The following AGBL1 variants were observed in gnomAD, a reference collection of about 807,000 sequenced individuals.
AGBL1 encodes cytosolic carboxypeptidase 4.
A neutral mutation model predicts 118.9 loss-of-function variants in AGBL1; 130 were observed. The ratio of observed to expected loss-of-function variants is 1.09; its 90% confidence interval spans 0.95 to 1.26. AGBL1 has a LOEUF of 1.26. Ranked by LOEUF, AGBL1 falls within the 50% of genes most tolerant of loss-of-function variation. The pLI is 0.00. For missense variants in AGBL1, 1,584 were observed against 1,298.1 expected, an observed-to-expected ratio of 1.22 and a Z score of -3.38; for synonymous variants, 555 against 478.9, an observed-to-expected ratio of 1.16 and a Z score of -2.08.
intron 21 of AGBL1, among the ~76,000 whole-genome samples, chr15:86,633,346 T>C (rs1205576798): frequency 6.6e-6 from 1 of 152,168 alleles, no homozygotes; most frequent in Non-Finnish European, 1.5e-5. Context: ...ACCATGAATT[T>C]TTTTTATGTA....
At chr15:87,017,634 C>T (rs1171134547) in intron 24 of AGBL1, among the ~76,000 whole-genome samples, 1 of 152,106 alleles carries the variant, frequency 6.6e-6, no homozygotes, top group East Asian at 1.9e-4. Context: ...ACAAAAACTC[C>T]TTTCCAGGGT....
intron 22 of AGBL1, among the ~76,000 whole-genome samples, chr15:86,692,316 G>T (rs1246138107): frequency 6.6e-6 from 1 of 152,082 alleles, no homozygotes; most frequent in Non-Finnish European, 1.5e-5. Context: ...TTCAATGAAG[G>T]AACTCTTTAC....
intron 22 of AGBL1, among the ~76,000 whole-genome samples, chr15:86,763,882 T>G (rs2078060813): frequency 6.6e-6 from 1 of 152,098 alleles, no homozygotes; most frequent in African/African-American, 2.4e-5. Flanking sequence ...ATAGTTGAGC[T>G]TATTGTAAAG....
At chr15:86,252,247 C>G (rs766658050) in intron 7 of AGBL1, among the ~76,000 whole-genome samples, 1 of 152,214 alleles carries the variant, frequency 6.6e-6, no homozygotes, top group Non-Finnish European at 1.5e-5. Flanking sequence ...TAGGCCAAGC[C>G]TTGATTCATC....
At chr15:86,898,839 G>A (rs144915844) in intron 22 of AGBL1, among the ~76,000 whole-genome samples, 2 of 152,086 alleles carry the variant, frequency 1.3e-5, no homozygotes, top group Non-Finnish European at 2.9e-5. Context: ...ATGACAATGA[G>A]ATACCATCTC....
intron 17 of AGBL1, among the ~76,000 whole-genome samples, chr15:86,329,009 G>A (rs549212871): frequency 6.6e-6 from 1 of 152,320 alleles, no homozygotes; most frequent in Non-Finnish European, 1.5e-5. Flanking sequence ...CAGAACTGTA[G>A]ACAGTGCTTC....
intron 5 of AGBL1, among the ~76,000 whole-genome samples, chr15:86,168,176 T>C (rs2077367843): frequency 6.6e-6 from 1 of 152,174 alleles, no homozygotes; most frequent in Non-Finnish European, 1.5e-5. Flanking sequence ...AAGGATTGTA[T>C]TGATACATGC....
At chr15:86,621,561 C>G (rs1054393794) in intron 21 of AGBL1, among the ~76,000 whole-genome samples, 3 of 152,122 alleles carry the variant, frequency 2.0e-5, no homozygotes, top group Non-Finnish European at 4.4e-5. Flanking sequence ...CTCTCCTCTT[C>G]TTGAAAGGAT....
At position 86,891,092 on chromosome 15, in the gene AGBL1, T is replaced by G. The variant is rs530474603; in HGVS notation, c.3159-15995T>G. ...TTTCCTTGAGCAGTAGTTGAAGAAG[T>G]CCTTCACTTCCACTGTTAGCTGTAT... On this transcript the variant is annotated intron_variant, in intron 22 of 22. Coordinates refer to ENST00000614907, the MANE Select transcript of AGBL1 (RefSeq NM_001386094.1). Among the ~76,000 whole-genome samples, 15 of 152,172 alleles carry G rather than the reference T, an allele frequency of 9.9e-5. No individual in the cohort carries two copies. The South Asian group carries it at 2.7e-3, about 27-fold the overall frequency.
intron 21 of AGBL1, among the ~76,000 whole-genome samples, chr15:86,667,656 G>C (rs1023947997): frequency 6.6e-6 from 1 of 151,886 alleles, no homozygotes; most frequent in Admixed American, 6.6e-5. Flanking sequence ...TTTTTGGACC[G>C]TAGGTGAGTA....
chr15:86,887,234 T>C (rs2079983066), intron 22 of AGBL1, among the ~76,000 whole-genome samples: 1 of 152,206 alleles, frequency 6.6e-6, no homozygotes, highest in South Asian at 2.1e-4. Context: ...ATTCCATCTA[T>C]GCATATATCT....
rs111891391 is a variant in AGBL1 at position 86,698,626 on chromosome 15, A to T, written c.3158+24190A>T. ...CTGATCATTGTTTTTTTTTTTTTTT[A>T]AAAAGAGACCAACAGGATTTATGGA... On this transcript the variant is annotated intron_variant, in intron 22 of 22. Transcript: ENST00000614907. 7.7e-3 allele frequency among the ~76,000 whole-genome samples: 1,051 copies of T among 136,724 alleles called. 8 individuals are homozygous for T. Among genetic ancestry groups the T allele is most frequent in the African/African-American group, 0.024 (858 of 35,360 alleles). 89.7% of individuals were successfully genotyped at this position (136,724 alleles called of 152,430 possible).
At chr15:86,836,081 AC>A (rs1157902022) in intron 22 of AGBL1, among the ~76,000 whole-genome samples, 1 of 152,136 alleles carries the variant, frequency 6.6e-6, no homozygotes, top group African/African-American at 2.4e-5. Context: ...AACCTCTCCT[AC>A]CCTTGCAAAC....
At chr15:86,578,415 C>A (rs1352098047) in intron 21 of AGBL1, among the ~76,000 whole-genome samples, 4 of 152,136 alleles carry the variant, frequency 2.6e-5, no homozygotes, top group South Asian at 4.1e-4. Context: ...TGGCTCATAG[C>A]CAGAAGGGAC....
At chr15:86,346,534 A>G (rs2080540353) in intron 17 of AGBL1, among the ~76,000 whole-genome samples, 1 of 151,602 alleles carries the variant, frequency 6.6e-6, no homozygotes, top group African/African-American at 2.4e-5. Flanking sequence ...GTTTTTTAGT[A>G]GAGACAGGGT....
At chr15:86,422,715 A>G (rs553935392) in intron 18 of AGBL1, among the ~76,000 whole-genome samples, 1 of 151,804 alleles carries the variant, frequency 6.6e-6, no homozygotes, top group South Asian at 2.1e-4. Context: ...AATAAAAAAT[A>G]AAAGAGAGAA....
chr15:86,456,064 G>C (rs916662401), intron 18 of AGBL1, among the ~76,000 whole-genome samples: 1 of 152,116 alleles, frequency 6.6e-6, no homozygotes, highest in Non-Finnish European at 1.5e-5. Context: ...TAGATGAACA[G>C]ACTGCAAGTT....
rs547881911 is a variant in AGBL1, at chr15:86,768,352, A to T, written c.3158+93916A>T. ...CATAGCATAACATACTCATAACAACACAACATAACATTACTGCTATAGCCC... is the reference window on the plus strand; with the variant it reads ...CATAGCATAACATACTCATAACAACTCAACATAACATTACTGCTATAGCCC... On this transcript the variant is annotated intron_variant, in intron 22 of 22. Coordinates refer to ENST00000614907, the MANE Select transcript of AGBL1 (RefSeq NM_001386094.1). Among the ~76,000 whole-genome samples, 6 of 152,100 alleles carry T rather than the reference A, an allele frequency of 3.9e-5. No homozygotes were observed. The South Asian group carries it at 8.3e-4, about 21-fold the overall frequency.
At chr15:86,269,088 T>C (rs946460965) in intron 13 of AGBL1, among the ~76,000 whole-genome samples, 1 of 152,150 alleles carries the variant, frequency 6.6e-6, no homozygotes, top group African/African-American at 2.4e-5. Context: ...CCTGAGGGCC[T>C]CCTGGGGTGC....
Sources: gnomAD v4.1 joint callset for allele counts (sites outside exome capture counted in the v4.1 genomes callset) on GRCh38, gnomAD v4.1.1 for gene constraint, MANE v1.5 for transcripts, NCBI Gene and HGNC (gene_info 2026-07-23, HGNC 2026-07-21) for gene names.